Variants in PPARGC1B observed in about 807,000 individuals in gnomAD.
The protein encoded by PPARGC1B is PPARG coactivator 1 beta.
In PPARGC1B, 34 loss-of-function variants were observed where a neutral mutation model predicts 101.6. The ratio of observed to expected loss-of-function variants is 0.33; its 90% CI spans 0.25 to 0.45. The LOEUF is 0.45. Among genes scored for constraint, PPARGC1B ranks in the 20% least tolerant of loss-of-function variants. The probability of loss-of-function intolerance (pLI) is 1.00; values close to 1 mark genes in which losing one functional copy is unlikely to be tolerated. For synonymous variants in PPARGC1B, 548 were observed against 539.3 expected (o/e 1.02, Z -0.22); for missense variants, 1,234 against 1,317.6 (o/e 0.94, Z 0.98).
chr5:149,836,369 C>T lies in PPARGC1B; in HGVS notation c.1914C>T (p.Ser638=), dbSNP rs1561620527. The stretch of plus-strand genomic sequence containing the variant: ...AAGAAATAGCTCTCAGCCTCCCCTC[C>T]CCTGAGGGCCTCTCACTCAAGGCCA... ...LGKEIALSLP[S]PEGLSLKATP... The change falls in exon 8 of 12, where the codon TCC becomes TCT. Residue 638 remains serine, a synonymous_variant. Transcript: ENST00000309241. 1 of 1,614,086 alleles carries T rather than the reference C, an allele frequency of 6.2e-7. No homozygotes were observed. The highest frequency in any genetic ancestry group is 8.5e-7 in the Non-Finnish European group (1 of 1,179,984).
chr5:149,814,023 C>T (rs1396806786), intron 1 of PPARGC1B, among the ~76,000 whole-genome samples: 1 of 152,180 alleles, frequency 6.6e-6, no homozygotes, highest in Non-Finnish European at 1.5e-5. Flanking sequence ...CATAAATTTG[C>T]GGGATCACAA....
intron 1 of PPARGC1B, among the ~76,000 whole-genome samples, chr5:149,791,974 G>A (rs1489199634): frequency 6.6e-6 from 1 of 152,220 alleles, no homozygotes; most frequent in Non-Finnish European, 1.5e-5. Flanking sequence ...TTGGCCTTGG[G>A]TTCCCTATGG....
chr5:149,846,293 C>A (rs1167968292), intron 11 of PPARGC1B: 3 of 430,368 alleles, frequency 7.0e-6, no homozygotes, highest in Non-Finnish European at 1.2e-5. Flanking sequence ...AGGCAGCAGC[C>A]ACCTGGGGAC....
In PPARGC1B at chr5:149,832,528, A is replaced by G; in HGVS notation, c.583-128A>G. The G allele has an allele frequency of 2.7e-6, 2 of 754,128 alleles. No individual in the cohort carries two copies. Among genetic ancestry groups the G allele is most frequent in the Non-Finnish European group, 4.2e-6 (2 of 472,966 alleles). The allele number at this position is 754,128 out of a possible 1,614,324, so 46.7% of individuals were successfully genotyped here. A position where few individuals can be genotyped will look rare whatever the true frequency, so the allele number is the denominator to read the frequency against. On this transcript the variant is annotated intron_variant, in intron 4 of 11. Coordinates refer to ENST00000309241, the MANE Select transcript of PPARGC1B (RefSeq NM_133263.4). This position sits in a 1 kb window ranked among gnomAD's most constrained non-coding sequence, Gnocchi z 4.9. ...CTCTGTGTGGGAAGCTGGGGACGGA[A>G]TGAAGGAAACCTGGCTGTTCCTATG...
chr5:149,751,420 T>A (rs1206393960), intron 1 of PPARGC1B, among the ~76,000 whole-genome samples: 1 of 152,138 alleles, frequency 6.6e-6, no homozygotes, highest in African/African-American at 2.4e-5. Context: ...AGAAAACTAA[T>A]CCCGGCCGGG....
chr5:149,775,478 T>G (rs1473504206), intron 1 of PPARGC1B, among the ~76,000 whole-genome samples: 2 of 152,116 alleles, frequency 1.3e-5, no homozygotes, highest in Non-Finnish European at 2.9e-5. Flanking sequence ...ACTGAGATGG[T>G]GCAGGAGCTG....
At chr5:149,759,095 A>G (rs975592203) in intron 1 of PPARGC1B, among the ~76,000 whole-genome samples, 2 of 152,204 alleles carry the variant, frequency 1.3e-5, no homozygotes, top group Non-Finnish European at 2.9e-5. Flanking sequence ...TTTTCCTTTA[A>G]AAAAGTCAGA....
At chr5:149,818,954 C>A in intron 1 of PPARGC1B, 1 of 448,438 alleles carries the variant, frequency 2.2e-6, no homozygotes, top group South Asian at 1.6e-5. Context: ...GCCCCAGGGC[C>A]AACAGAACAT....
intron 1 of PPARGC1B, among the ~76,000 whole-genome samples, chr5:149,773,265 A>G (rs961969336): frequency 6.6e-6 from 1 of 152,212 alleles, no homozygotes; most frequent in Non-Finnish European, 1.5e-5. Context: ...TACTAATCCA[A>G]ACAGCCTCCA....
chr5:149,758,871 C>A (rs1012762145), intron 1 of PPARGC1B, among the ~76,000 whole-genome samples: 2 of 152,170 alleles, frequency 1.3e-5, no homozygotes, highest in African/African-American at 4.8e-5. Flanking sequence ...CCATTAGTTT[C>A]ATACATTCCC....
At chr5:149,733,272 A>T (rs1263235430) in intron 1 of PPARGC1B, among the ~76,000 whole-genome samples, 1 of 152,172 alleles carries the variant, frequency 6.6e-6, no homozygotes, top group Non-Finnish European at 1.5e-5. Context: ...AAAGTACGGA[A>T]ATTTAGCAGA....
intron 1 of PPARGC1B, among the ~76,000 whole-genome samples, chr5:149,813,029 T>A (rs753791005): frequency 2.6e-5 from 4 of 152,136 alleles, no homozygotes; most frequent in Non-Finnish European, 4.4e-5. Flanking sequence ...AGAAGGTAAG[T>A]AGAGGCGCAG....
chr5:149,833,840 A>G lies in PPARGC1B; in HGVS notation c.1705+62A>G. ...GATGGGGTGCAGCATGCCCCTCTGC[A>G]CTGGGAGCCAGGAGCCCTGTGTTCA... On this transcript the variant is annotated intron_variant, in intron 5 of 11. Transcript: ENST00000309241. The surrounding 1 kb of genome is among the most constrained non-coding windows in gnomAD (Gnocchi z 4.1). 7.0e-7 allele frequency: 1 copy of G among 1,430,110 alleles called. No individual in the cohort carries two copies. The highest frequency in any genetic ancestry group is 9.1e-7 in the Non-Finnish European group (1 of 1,096,310). 88.6% of individuals were successfully genotyped at this position (1,430,110 alleles called of 1,614,324 possible). A position where few individuals can be genotyped will look rare whatever the true frequency, so the allele number is the denominator to read the frequency against.
At chr5:149,804,032 C>A (rs1218530279) in intron 1 of PPARGC1B, among the ~76,000 whole-genome samples, 1 of 152,196 alleles carries the variant, frequency 6.6e-6, no homozygotes. Flanking sequence ...TGTGGGTCTG[C>A]GTTTCTCATC....
chr5:149,804,392 G>A (rs1413754453), intron 1 of PPARGC1B, among the ~76,000 whole-genome samples: 1 of 152,172 alleles, frequency 6.6e-6, no homozygotes. Context: ...ACAGTGATGC[G>A]GCCGGGTGCG....
chr5:149,818,046 T>C (rs76390604), intron 1 of PPARGC1B, among the ~76,000 whole-genome samples: 16,118 of 152,212 alleles, frequency 0.11, 1,362 homozygotes, highest in African/African-American at 0.22. Flanking sequence ...AAGAGGCAGC[T>C]GAGAGAATCC....
In PPARGC1B at chr5:149,850,117, G is replaced by C. The variant is rs779091914; in HGVS notation, c.*2559G>C. 6.6e-6 allele frequency: 1 copy of C among 152,206 alleles called. No homozygotes were observed. Among genetic ancestry groups the C allele is most frequent in the Non-Finnish European group, 1.5e-5 (1 of 68,044 alleles). 9.4% of individuals were successfully genotyped at this position (152,206 alleles called of 1,614,324 possible). On this transcript the variant is annotated 3_prime_UTR_variant, in exon 12 of 12. Coordinates refer to ENST00000309241, the MANE Select transcript of PPARGC1B (RefSeq NM_133263.4). The stretch of plus-strand genomic sequence containing the variant: ...ACCAAGAATTTCCTTTGTAACTTTG[G>C]TAAGTCCCTTTTACTCCCTGGCACC...
intron 1 of PPARGC1B, among the ~76,000 whole-genome samples, chr5:149,762,213 A>G (rs1004264298): frequency 2.0e-5 from 3 of 150,000 alleles, no homozygotes; most frequent in African/African-American, 7.4e-5. Flanking sequence ...CAGGGGTGCA[A>G]TCTCGGCTCA....
chr5:149,823,252 G>A (rs191853528), intron 2 of PPARGC1B, among the ~76,000 whole-genome samples: 94 of 152,302 alleles, frequency 6.2e-4, no homozygotes, highest in Non-Finnish European at 1.1e-3. Flanking sequence ...AGGAAGGGGC[G>A]TGGACAAATC....
Sources: gnomAD v4.1 joint callset for allele counts (sites outside exome capture counted in the v4.1 genomes callset) on GRCh38, gnomAD v4.1.1 for gene constraint, Gnocchi (gnomAD v3.1) non-coding constraint, MANE v1.5 for transcripts, NCBI Gene and HGNC (gene_info 2026-07-23, HGNC 2026-07-21) for gene names.